Variants in MLF1 observed in about 807,000 individuals in gnomAD.
MLF1 encodes the protein myeloid leukemia factor 1, also known as myelodysplasia-myeloid leukemia factor 1.
A neutral mutation model predicts 38.3 loss-of-function variants in MLF1; 37 were observed. That is an observed-to-expected ratio of 0.96 (90% confidence interval 0.74 to 1.27). MLF1 has a LOEUF of 1.27. Among genes scored for constraint, MLF1 ranks in the 50% most tolerant of loss-of-function variants. The probability of loss-of-function intolerance (pLI) is 0.00; values close to 1 mark genes in which losing one functional copy is unlikely to be tolerated. For missense variants in MLF1, 331 were observed against 349.2 expected (o/e 0.95, Z 0.42); for synonymous variants, 95 against 106.5 (o/e 0.89, Z 0.66).
At chr3:158,578,378 T>C (rs1276117121) in intron 1 of MLF1, among the ~76,000 whole-genome samples, 3 of 141,758 alleles carry the variant, frequency 2.1e-5, no homozygotes, top group African/African-American at 9.0e-5. Context: ...TTAGGCAAAA[T>C]AAGTGTGTGT....
At chr3:158,585,628 A>C (rs1378288123) in intron 1 of MLF1, among the ~76,000 whole-genome samples, 1 of 152,204 alleles carries the variant, frequency 6.6e-6, no homozygotes, top group Non-Finnish European at 1.5e-5. Flanking sequence ...TTTTAGAAAA[A>C]TGAGTTAAGC....
At chr3:158,591,173 T>G (rs1458508907) in intron 1 of MLF1, 1 of 472,392 alleles carries the variant, frequency 2.1e-6, no homozygotes, top group Non-Finnish European at 4.2e-6. Context: ...TTTTTTTTTT[T>G]TTTTGAGACA....
At chr3:158,580,826 C>T (rs9844502) in intron 1 of MLF1, among the ~76,000 whole-genome samples, 84,733 of 150,742 alleles carry the variant, frequency 0.56, 24,718 homozygotes, top group African/African-American at 0.72. Context: ...TGGTAGTGCA[C>T]GCCTATAGTC....
intron 1 of MLF1, among the ~76,000 whole-genome samples, chr3:158,585,127 T>A (rs1717063160): frequency 6.6e-6 from 1 of 151,714 alleles, no homozygotes; most frequent in South Asian, 2.1e-4. Flanking sequence ...TGAAATCTGA[T>A]CCCTAACATT....
rs1420508008 is a variant in MLF1, at chr3:158,605,742, A to G, written c.*540A>G. On this transcript the variant is annotated 3_prime_UTR_variant, in exon 8 of 8. Transcript: ENST00000466246. ...ACTCTTTTATGAGAAAATAGTTACTATTTTGATAAAGGGCAAGGATAATCA... is the reference window on the plus strand; with the variant it reads ...ACTCTTTTATGAGAAAATAGTTACTGTTTTGATAAAGGGCAAGGATAATCA... 2 of 182,084 alleles carry G rather than the reference A, an allele frequency of 1.1e-5. No individual in the cohort carries two copies. Among genetic ancestry groups the G allele is most frequent in the Non-Finnish European group, 1.2e-5 (1 of 85,564 alleles). 11.3% of individuals were successfully genotyped at this position (182,084 alleles called of 1,614,324 possible).
At chr3:158,575,095 G>GT (rs749089842) in intron 1 of MLF1, among the ~76,000 whole-genome samples, 1 of 152,158 alleles carries the variant, frequency 6.6e-6, no homozygotes, top group Non-Finnish European at 1.5e-5. Flanking sequence ...ACTACAAATA[G>GT]TAAGCATACA....
intron 7 of MLF1, among the ~76,000 whole-genome samples, chr3:158,604,276 C>T (rs551523453): frequency 6.6e-6 from 1 of 152,290 alleles, no homozygotes; most frequent in African/African-American, 2.4e-5. Flanking sequence ...AAATCCAGGT[C>T]GCACTTAGAG....
chr3:158,592,798 A>G (rs1234351979), intron 2 of MLF1, among the ~76,000 whole-genome samples: 1 of 152,198 alleles, frequency 6.6e-6, no homozygotes, highest in African/African-American at 2.4e-5. Flanking sequence ...TGTTAGGTCC[A>G]TAGAAGCATA....
chr3:158,578,078 T>G (rs2108560496), intron 1 of MLF1, among the ~76,000 whole-genome samples: 1 of 152,318 alleles, frequency 6.6e-6, no homozygotes, highest in Non-Finnish European at 1.5e-5. Flanking sequence ...AGATCCTTCT[T>G]TGAATGTTAC....
intron 1 of MLF1, among the ~76,000 whole-genome samples, chr3:158,576,665 A>T (rs9813394): frequency 0.039 from 5,323 of 135,750 alleles, 298 homozygotes; most frequent in African/African-American, 0.14. Context: ...AAACCTGTCA[A>T]CCTTAATTTT....
intron 1 of MLF1, 116 bp from the exon 2 acceptor site, chr3:158,592,318 T>A (rs1718269927): frequency 1.2e-6 from 1 of 814,394 alleles, no homozygotes; most frequent in East Asian, 2.8e-5. Flanking sequence ...TCTCTTCTAC[T>A]CTTCTTTTAT....
chr3:158,600,591 T>A (rs1000158005), intron 6 of MLF1, among the ~76,000 whole-genome samples: 2 of 151,684 alleles, frequency 1.3e-5, no homozygotes, highest in Admixed American at 1.3e-4. Flanking sequence ...TAAACACTTT[T>A]TTCTCAAATT....
chr3:158,590,411 A>G (rs1717947748), intron 1 of MLF1, among the ~76,000 whole-genome samples: 2 of 152,234 alleles, frequency 1.3e-5, no homozygotes, highest in Admixed American at 1.3e-4. Flanking sequence ...ACAAGCCATC[A>G]GTCCTTGCTC....
chr3:158,579,395 G>A (rs1322816848), intron 1 of MLF1, among the ~76,000 whole-genome samples: 1 of 152,172 alleles, frequency 6.6e-6, no homozygotes, highest in Non-Finnish European at 1.5e-5. Context: ...CTCACTAGAA[G>A]TTTCAGCCAG....
In MLF1 at chr3:158,575,476, C is replaced by G. The variant is rs564621582; in HGVS notation, c.47+4129C>G. Among the ~76,000 whole-genome samples, 5 of 152,224 alleles carry G rather than the reference C, an allele frequency of 3.3e-5. No homozygotes were observed. In the South Asian group the frequency reaches 1.0e-3, roughly 32 times the overall value. On this transcript the variant is annotated intron_variant, in intron 1 of 7. Transcript: ENST00000466246. ...TGAGTTTATGTTTATTTCGGGTAAT[C>G]TATTTGACCCACCCGTTTTACCTCA...
At chr3:158,595,270 A>G (rs546513185) in intron 3 of MLF1, among the ~76,000 whole-genome samples, 1 of 152,136 alleles carries the variant, frequency 6.6e-6, no homozygotes, top group African/African-American at 2.4e-5. Flanking sequence ...AACTAGGTTT[A>G]AAGTCAGGAG....
Position 158,596,898 on chromosome 3 carries a change from A to G in MLF1, c.277A>G (p.Met93Val), listed in dbSNP as rs754035274. 14 of 1,609,812 alleles carry G rather than the reference A, an allele frequency of 8.7e-6. No homozygotes were observed. The highest frequency in any genetic ancestry group is 1.2e-5 in the Non-Finnish European group (14 of 1,177,444). Reference protein sequence around the residue: ...DVSSFQTMDQMVSNMRNYMQK... With the variant: ...DVSSFQTMDQVVSNMRNYMQK... Reference sequence around the variant, plus strand: ...CAGCTCTTTCCAGACAATGGACCAAATGGTGTCAAATATGAGAAACTATAT... The same window carrying G: ...CAGCTCTTTCCAGACAATGGACCAAGTGGTGTCAAATATGAGAAACTATAT... Residue 93 changes from methionine (M) to valine (V), a missense_variant, in exon 4 of 8, where the codon ATG becomes GTG. Met to Val is a conservative substitution (Grantham distance 21). Coordinates refer to ENST00000466246, the MANE Select transcript of MLF1 (RefSeq NM_001369783.1).
intron 3 of MLF1, among the ~76,000 whole-genome samples, chr3:158,594,629 G>A (rs1718630817): frequency 6.6e-6 from 1 of 152,152 alleles, no homozygotes; most frequent in Admixed American, 6.6e-5. Flanking sequence ...ATTAGTGATG[G>A]CTTACTTCTA....
intron 1 of MLF1, among the ~76,000 whole-genome samples, chr3:158,574,425 T>C (rs989619672): frequency 6.7e-6 from 1 of 149,352 alleles, no homozygotes; most frequent in Non-Finnish European, 1.5e-5. Flanking sequence ...TCCAGCACTT[T>C]GGGAGGCCGA....
Sources: allele counts gnomAD v4.1 joint callset (sites outside exome capture counted in the v4.1 genomes callset), GRCh38; gene constraint gnomAD v4.1.1; transcripts MANE v1.5; gene names NCBI Gene and HGNC (gene_info 2026-07-23, HGNC 2026-07-21).